FTCDNL1: variants seen among roughly 807,000 people sequenced by gnomAD.
FTCDNL1 encodes the protein formiminotransferase cyclodeaminase N-terminal like, also known as formiminotransferase N-terminal subdomain-containing protein.
A neutral mutation model predicts 5.9 loss-of-function variants in FTCDNL1; 11 were observed. That is an observed-to-expected ratio of 1.87 (90% CI 1.18 to 3.10). FTCDNL1 has a LOEUF of 3.10. Among genes scored for constraint, FTCDNL1 ranks in the 30% most tolerant of loss-of-function variants. The probability of loss-of-function intolerance (pLI) is 0.00; values close to 1 mark genes in which losing one functional copy is unlikely to be tolerated. For synonymous variants in FTCDNL1, 58 were observed against 24.8 expected, an observed-to-expected ratio of 2.34 and a Z score of -3.99; for missense variants, 115 against 65.5, an observed-to-expected ratio of 1.76 and a Z score of -2.61.
downstream of FTCDNL1, among the ~76,000 whole-genome samples, chr2:199,805,126 C>G (rs1700657042): frequency 6.6e-6 from 1 of 152,130 alleles, no homozygotes; most frequent in Non-Finnish European, 1.5e-5. Flanking sequence ...GAGCCACTGT[C>G]AAGGTGAAGA....
chr2:199,729,908 A>T, the FTCDNL1 span, among the ~76,000 whole-genome samples: 1 of 152,330 alleles, frequency 6.6e-6, no homozygotes, highest in Middle Eastern at 3.4e-3. Flanking sequence ...ATCCTAAGCA[A>T]AAATAACAAA....
chr2:199,731,097 A>G, the FTCDNL1 span, among the ~76,000 whole-genome samples: 1 of 152,230 alleles, frequency 6.6e-6, no homozygotes, highest in Non-Finnish European at 1.5e-5. Context: ...ACAAGAACAG[A>G]AAACCAAACA....
the FTCDNL1 span, among the ~76,000 whole-genome samples, chr2:199,690,730 C>A: frequency 6.6e-6 from 1 of 152,122 alleles, no homozygotes; most frequent in Non-Finnish European, 1.5e-5. Context: ...GTCTTGATCT[C>A]TCCTGCATCA....
At chr2:199,776,632 G>C (rs998098902) in intron 3 of FTCDNL1, among the ~76,000 whole-genome samples, 9 of 152,178 alleles carry the variant, frequency 5.9e-5, no homozygotes, top group African/African-American at 2.2e-4. Flanking sequence ...GGGAAGGTTG[G>C]CAGATGAAAG....
At chr2:199,717,993 A>C in the FTCDNL1 span, among the ~76,000 whole-genome samples, 6 of 151,652 alleles carry the variant, frequency 4.0e-5, no homozygotes, top group African/African-American at 1.5e-4. Context: ...AAACAAAAAA[A>C]AAAAAACAAA....
chr2:199,748,857 G>A, the FTCDNL1 span, among the ~76,000 whole-genome samples: 1 of 152,130 alleles, frequency 6.6e-6, no homozygotes, highest in Non-Finnish European at 1.5e-5. Context: ...GAGGGGAGCT[G>A]GAAAGTTCTC....
At chr2:199,705,946 C>T in the FTCDNL1 span, among the ~76,000 whole-genome samples, 1 of 152,206 alleles carries the variant, frequency 6.6e-6, no homozygotes. Context: ...ACCAAGCCTT[C>T]ATTCTTGAGG....
the FTCDNL1 span, among the ~76,000 whole-genome samples, chr2:199,735,676 A>T: frequency 1.3e-5 from 2 of 152,172 alleles, no homozygotes; most frequent in Middle Eastern, 6.8e-3. Context: ...TCGTCTTTTC[A>T]TGTTTGGTGG....
At chr2:199,669,778 T>G in the FTCDNL1 span, among the ~76,000 whole-genome samples, 2 of 152,196 alleles carry the variant, frequency 1.3e-5, no homozygotes, top group African/African-American at 4.8e-5. Context: ...AATGAACTAT[T>G]CTTACCTCCG....
rs576268776 is a variant in FTCDNL1 at position 199,819,238 on chromosome 2, C to T, written c.397+334G>A. The stretch of plus-strand genomic sequence containing the variant: ...GTCTCCATCACACCCTAGGACACAC[C>T]CCACACCATTCACAGACAGGGGCCT... On this transcript the variant is annotated intron_variant, in intron 4 of 4. Transcript: ENST00000420128. 104 of 299,544 alleles carry T rather than the reference C, an allele frequency of 3.5e-4. 3 individuals carry two copies. In the Middle Eastern group the frequency reaches 4.5e-3, roughly 13 times the overall value. 18.6% of individuals were successfully genotyped at this position (299,544 alleles called of 1,614,324 possible).
chr2:199,823,652 G>T (rs1481696568), intron 3 of FTCDNL1, among the ~76,000 whole-genome samples: 1 of 152,138 alleles, frequency 6.6e-6, no homozygotes, highest in Non-Finnish European at 1.5e-5. Flanking sequence ...CTGAGCAGTA[G>T]GTATCAACAG....
chr2:199,787,126 T>C (rs1699692171), intron 3 of FTCDNL1, among the ~76,000 whole-genome samples: 1 of 152,164 alleles, frequency 6.6e-6, no homozygotes, highest in African/African-American at 2.4e-5. Context: ...CGCTCAGATA[T>C]CAAGGATAAT....
chr2:199,787,616 G>A (rs528528473), intron 3 of FTCDNL1, among the ~76,000 whole-genome samples: 7 of 152,216 alleles, frequency 4.6e-5, no homozygotes, highest in Admixed American at 1.3e-4. Flanking sequence ...TGCAGAACTC[G>A]TGTCAGAGGT....
the FTCDNL1 span, among the ~76,000 whole-genome samples, chr2:199,734,831 C>T: frequency 1.2e-4 from 19 of 152,260 alleles, no homozygotes; most frequent in African/African-American, 4.3e-4. Context: ...TTCTGATGAG[C>T]TAAGTGTAAA....
At chr2:199,790,717 T>C (rs1043997547) in intron 3 of FTCDNL1, among the ~76,000 whole-genome samples, 1 of 152,130 alleles carries the variant, frequency 6.6e-6, no homozygotes, top group Non-Finnish European at 1.5e-5. Flanking sequence ...TCACTAATAG[T>C]TAGGAAACTG....
At chr2:199,665,251 C>T in the FTCDNL1 span, among the ~76,000 whole-genome samples, 2 of 152,108 alleles carry the variant, frequency 1.3e-5, no homozygotes, top group African/African-American at 2.4e-5. Context: ...CTTCAGCCTC[C>T]GTCACCAGTG....
At chr2:199,800,438 C>T (rs1048153504) in intron 3 of FTCDNL1, among the ~76,000 whole-genome samples, 7 of 152,226 alleles carry the variant, frequency 4.6e-5, no homozygotes, top group Admixed American at 3.9e-4. Context: ...AAGCTGGAAG[C>T]TTACACCATT....
At chr2:199,760,055 A>G (rs1199289376), downstream of FTCDNL1, among the ~76,000 whole-genome samples, 1 of 152,214 alleles carries the variant, frequency 6.6e-6, no homozygotes, top group East Asian at 1.9e-4. Flanking sequence ...TCAATATCGT[A>G]TATCACCTTT....
chr2:199,740,159 A>G, the FTCDNL1 span, among the ~76,000 whole-genome samples: 2 of 152,252 alleles, frequency 1.3e-5, no homozygotes, highest in African/African-American at 4.8e-5. Flanking sequence ...ATTGCATGGA[A>G]AAACAACTCG....
Sources: allele counts gnomAD v4.1 joint callset (sites outside exome capture counted in the v4.1 genomes callset), GRCh38; gene constraint gnomAD v4.1.1; transcripts MANE v1.5; gene names NCBI Gene and HGNC (gene_info 2026-07-23, HGNC 2026-07-21).